The following ECM2 variants were observed in gnomAD, a reference collection of about 807,000 sequenced individuals.
ECM2 encodes extracellular matrix protein 2, female organ and adipocyte specific.
Under a neutral mutation model 67.5 loss-of-function variants are expected in ECM2, and 57 were observed. The ratio of observed to expected loss-of-function variants is 0.84; its 90% CI spans 0.68 to 1.05. The LOEUF is 1.05. Among genes scored for constraint, ECM2 ranks in the 50% least tolerant of loss-of-function variants. The pLI, the probability that ECM2 is intolerant of heterozygous loss-of-function variation, is 0.00. For synonymous variants in ECM2, 258 were observed against 294.5 expected, an observed-to-expected ratio of 0.88 and a Z score of 1.27; for missense variants, 741 against 822.8, an observed-to-expected ratio of 0.90 and a Z score of 1.22.
At chr9:92,519,182 T>G (rs1442985290) in intron 2 of ECM2, among the ~76,000 whole-genome samples, 1 of 152,142 alleles carries the variant, frequency 6.6e-6, no homozygotes, top group East Asian at 1.9e-4. Context: ...ATTCGAATAC[T>G]TGCAATAGGC....
chr9:92,534,822 G>T (rs757156955), intron 1 of ECM2, among the ~76,000 whole-genome samples: 55 of 152,182 alleles, frequency 3.6e-4, no homozygotes, highest in Admixed American at 6.5e-5. Context: ...GCTCTGCAAT[G>T]CATGAAATGT....
At chr9:92,551,989 A>ATG in the ECM2 span, among the ~76,000 whole-genome samples, 5 of 125,838 alleles carry the variant, frequency 4.0e-5, no homozygotes, top group Non-Finnish European at 8.5e-5. Flanking sequence ...GTGTGTATAT[A>ATG]TGTGATATAT....
At chr9:92,500,514 CAT>C (rs1196132594) in intron 9 of ECM2, among the ~76,000 whole-genome samples, 6 of 152,238 alleles carry the variant, frequency 3.9e-5, no homozygotes, top group African/African-American at 7.2e-5. Flanking sequence ...AATTTATAAA[CAT>C]GTGCAAAAGT....
chr9:92,552,190 T>TATAC, the ECM2 span, among the ~76,000 whole-genome samples: 22 of 106,434 alleles, frequency 2.1e-4, no homozygotes, highest in African/African-American at 7.5e-4. Context: ...ATCTATCATA[T>TATAC]ACACACACAC....
chr9:92,538,204 A>G (rs1353528116), upstream of ECM2, among the ~76,000 whole-genome samples: 1 of 152,230 alleles, frequency 6.6e-6, no homozygotes, highest in Admixed American at 6.5e-5. Flanking sequence ...GATAGAGAAC[A>G]AAGTGGGCTT....
chr9:92,510,029 C>T lies in ECM2; in HGVS notation c.1176G>A (p.Leu392=). The T allele has an allele frequency of 1.3e-6, 2 of 1,590,866 alleles. No homozygotes were observed. Among genetic ancestry groups the T allele is most frequent in the African/African-American group, 2.7e-5 (2 of 73,338 alleles). ...SGIGPKAFKL[L]KKLMRLNMDG... ...CCATATTCAAACGCATTAACTTCTTCAGAAGCTTAAAAAGCAAATCTCAAA... is the reference window on the plus strand; with the variant it reads ...CCATATTCAAACGCATTAACTTCTTTAGAAGCTTAAAAAGCAAATCTCAAA... The change falls in exon 6 of 10, where the codon CTG becomes CTA. Residue 392 remains leucine (L), a synonymous_variant. Coordinates refer to ENST00000344604, the MANE Select transcript of ECM2 (RefSeq NM_001393.4).
chr9:92,555,003 T>TTG, the ECM2 span, among the ~76,000 whole-genome samples: 8 of 149,708 alleles, frequency 5.3e-5, no homozygotes, highest in Non-Finnish European at 1.2e-4. Context: ...GTCTGTATTG[T>TTG]TTGTTGTTGT....
At chr9:92,551,443 TC>T in the ECM2 span, among the ~76,000 whole-genome samples, 117 of 152,216 alleles carry the variant, frequency 7.7e-4, no homozygotes, top group African/African-American at 2.8e-3. Flanking sequence ...GCTCAAACAA[TC>T]CTCCCACCTT....
At chr9:92,516,864 T>G (rs766367121) in intron 3 of ECM2, 1 of 152,238 alleles carries the variant, frequency 6.6e-6, no homozygotes, top group Non-Finnish European at 1.5e-5. Context: ...GCAAGGAGAC[T>G]TTTGTAGACA....
chr9:92,502,738 T>G (rs1846759868), intron 7 of ECM2, 86 bp from the exon 8 acceptor site: 1 of 1,142,138 alleles, frequency 8.8e-7, no homozygotes, highest in African/African-American at 1.6e-5. Context: ...TGACATAGAC[T>G]ATTATCATTA....
chr9:92,494,083 C>T, downstream of ECM2: 1 of 1,597,426 alleles, frequency 6.3e-7, no homozygotes, highest in Non-Finnish European at 8.5e-7. Context: ...CTTATTGCCT[C>T]TACCAGAGAG....
At chr9:92,519,132 G>C (rs151168347) in intron 2 of ECM2, among the ~76,000 whole-genome samples, 1 of 151,754 alleles carries the variant, frequency 6.6e-6, no homozygotes, top group Non-Finnish European at 1.5e-5. Flanking sequence ...TCCTTTCCCC[G>C]ACCACTAACT....
At chr9:92,528,357 C>A (rs1345680775) in intron 1 of ECM2, among the ~76,000 whole-genome samples, 1 of 152,004 alleles carries the variant, frequency 6.6e-6, no homozygotes, top group Non-Finnish European at 1.5e-5. Context: ...TGAAAAGATA[C>A]AGCTGGAAAT....
At chr9:92,526,222 A>G (rs1297395541) in intron 1 of ECM2, among the ~76,000 whole-genome samples, 1 of 152,196 alleles carries the variant, frequency 6.6e-6, no homozygotes, top group East Asian at 1.9e-4. Flanking sequence ...TGTTTGTCTC[A>G]GTTTTTAACA....
chr9:92,556,050 C>T, the ECM2 span, among the ~76,000 whole-genome samples: 1 of 152,102 alleles, frequency 6.6e-6, no homozygotes, highest in Non-Finnish European at 1.5e-5. Flanking sequence ...CCTCTTAGCA[C>T]CACTTTGCTA....
At chr9:92,544,105 T>C in the ECM2 span, among the ~76,000 whole-genome samples, 1 of 152,388 alleles carries the variant, frequency 6.6e-6, no homozygotes, top group African/African-American at 2.4e-5. Context: ...CACTGTTGTC[T>C]TATTCCTGAT....
the ECM2 span, among the ~76,000 whole-genome samples, chr9:92,545,831 A>G: frequency 0.42 from 63,559 of 151,730 alleles, 15,468 homozygotes; most frequent in African/African-American, 0.67. Flanking sequence ...CAATCAGCAC[A>G]CTGTGTCTAG....
At chr9:92,526,547 C>T (rs1848421081) in intron 1 of ECM2, among the ~76,000 whole-genome samples, 1 of 150,384 alleles carries the variant, frequency 6.6e-6, no homozygotes, top group African/African-American at 2.4e-5. Flanking sequence ...CAAACCAAAC[C>T]CAAAATTAGT....
chr9:92,551,442 A>G, the ECM2 span, among the ~76,000 whole-genome samples: 1 of 152,092 alleles, frequency 6.6e-6, no homozygotes, highest in Non-Finnish European at 1.5e-5. Context: ...GGCTCAAACA[A>G]TCCTCCCACC....
Sources: gnomAD v4.1 joint callset for allele counts (sites outside exome capture counted in the v4.1 genomes callset) on GRCh38, gnomAD v4.1.1 for gene constraint, MANE v1.5 for transcripts, NCBI Gene and HGNC (gene_info 2026-07-23, HGNC 2026-07-21) for gene names.